MCM3: variants seen among roughly 807,000 people sequenced by gnomAD.
MCM3 encodes minichromosome maintenance complex component 3, also known as DNA replication licensing factor MCM3.
In MCM3, 59 loss-of-function variants were observed where a neutral mutation model predicts 91.3. The observed-to-expected ratio is 0.65, with a 90% CI of 0.52 to 0.80. The LOEUF (loss-of-function observed/expected upper bound fraction) is 0.80, where lower values mean the gene tolerates loss of function less well. MCM3 is among the 30% of genes least tolerant of loss of function. The probability of loss-of-function intolerance (pLI) is 0.00; values close to 1 mark genes in which losing one functional copy is unlikely to be tolerated. For missense variants in MCM3, 919 were observed against 1,035.4 expected, an observed-to-expected ratio of 0.89 and a Z score of 1.54; for synonymous variants, 383 against 379.6, an observed-to-expected ratio of 1.01 and a Z score of -0.10.
At chr6:52,269,624 A>G (rs1764926946) in intron 12 of MCM3, among the ~76,000 whole-genome samples, 1 of 152,200 alleles carries the variant, frequency 6.6e-6, no homozygotes, top group Admixed American at 6.5e-5. Context: ...CATGAAGGAA[A>G]TGGGACTCAA....
intron 4 of MCM3, among the ~76,000 whole-genome samples, chr6:52,280,748 A>G (rs1313733937): frequency 6.6e-6 from 1 of 152,258 alleles, no homozygotes; most frequent in Non-Finnish European, 1.5e-5. Flanking sequence ...AGAAGACAAC[A>G]GAATGACTTA....
At chr6:52,277,786 G>T in intron 6 of MCM3, 98 bp from the exon 7 acceptor site, 2 of 1,091,008 alleles carry the variant, frequency 1.8e-6, no homozygotes, top group South Asian at 1.5e-5. Flanking sequence ...TACTTGAAGA[G>T]GGCCAGGCGC....
intron 4 of MCM3, among the ~76,000 whole-genome samples, chr6:52,281,155 A>G (rs1398171471): frequency 2.6e-5 from 4 of 152,248 alleles, no homozygotes; most frequent in Admixed American, 1.3e-4. Flanking sequence ...ATTGTCCTCA[A>G]TCCAGATCAA....
At chr6:52,272,122 G>C (rs1328709457) in intron 12 of MCM3, among the ~76,000 whole-genome samples, 179 bp downstream of exon 12, 5 of 152,126 alleles carry the variant, frequency 3.3e-5, no homozygotes, top group Non-Finnish European at 7.4e-5. Flanking sequence ...TGTTATCTCT[G>C]GGGTCCTTAT....
At chr6:52,284,454 A>T (rs1042879355) in intron 1 of MCM3, 143 bp downstream of exon 1, 1 of 669,184 alleles carries the variant, frequency 1.5e-6, no homozygotes, top group Non-Finnish European at 2.4e-6. Context: ...TTGAGAAGTT[A>T]CAAGATTGGG....
rs1193998299 is a variant in MCM3, at chr6:52,276,149, CTTACTT to C, written c.1374+113_1374+118del. On this transcript the variant is annotated intron_variant, in intron 9 of 16. Coordinates refer to ENST00000596288, the MANE Select transcript of MCM3 (RefSeq NM_002388.6). The stretch of plus-strand genomic sequence containing the variant: ...CAAAGGACAATAACAAGAAAATGGC[CTTACTT>C]TTAGTCTTTGGCCTATTATTCCCCT... 2.1e-5 allele frequency: 19 copies of C among 889,290 alleles called. 1 individual carries two copies. The highest frequency in any genetic ancestry group is 3.3e-5 in the Non-Finnish European group (19 of 582,664). The allele number at this position is 889,290 out of a possible 1,614,324, so 55.1% of individuals were successfully genotyped here. A position where few individuals can be genotyped will look rare whatever the true frequency, so the allele number is the denominator to read the frequency against.
intron 4 of MCM3, among the ~76,000 whole-genome samples, chr6:52,280,479 A>C (rs13210985): frequency 0.18 from 27,832 of 152,236 alleles, 3,392 homozygotes; most frequent in Middle Eastern, 0.31. Context: ...CACGTCATGC[A>C]CAAGGAAACC....
intron 13 of MCM3, 63 bp downstream of exon 13, chr6:52,269,023 G>A (rs1764871815): frequency 6.6e-7 from 1 of 1,523,602 alleles, no homozygotes; most frequent in South Asian, 1.3e-5. Flanking sequence ...GGAAGGCTGG[G>A]AAGCCCATGC....
At chr6:52,278,390 C>T (rs1229424036) in intron 6 of MCM3, among the ~76,000 whole-genome samples, 1 of 152,078 alleles carries the variant, frequency 6.6e-6, no homozygotes, top group Non-Finnish European at 1.5e-5. Flanking sequence ...AAGATAAAAA[C>T]AAGTTGGAGA....
At chr6:52,265,021 C>T (rs185426487) in intron 16 of MCM3, among the ~76,000 whole-genome samples, 5 of 152,282 alleles carry the variant, frequency 3.3e-5, no homozygotes, top group Admixed American at 3.3e-4. Context: ...AAAATAGTAA[C>T]CCGGTCAGCG....
intron 1 of MCM3, 65 bp from the exon 2 acceptor site, chr6:52,283,471 T>G: frequency 9.1e-7 from 1 of 1,098,596 alleles, no homozygotes. Context: ...TAAACAGAAG[T>G]AGTTCTCATA....
rs61752700 is a variant in MCM3 at position 52,277,619 on chromosome 6, T to C, written c.949A>G (p.Ile317Val). 1.2e-4 allele frequency: 199 copies of C among 1,614,006 alleles called. 3 individuals carry two copies. In the South Asian group the frequency reaches 1.6e-3, roughly 13 times the overall value. The change falls in exon 7 of 17, where the codon ATC becomes GTC. Residue 317 changes from isoleucine to valine, a missense_variant. This residue lies in a region of MCM3 where 401 missense variants were observed against 402.7 expected (regional missense o/e 1.00). Transcript: ENST00000596288. ...ACCCCTCCCAAGAGCAAGCAGAGGA[T>C]TGCTTTCTTGACATAGTCATGCCCA... Reference protein sequence around the residue: ...IHGHDYVKKAILCLLLGGVER... With the variant: ...IHGHDYVKKAVLCLLLGGVER...
chr6:52,280,688 A>C (rs560931661), intron 4 of MCM3, among the ~76,000 whole-genome samples: 4 of 152,364 alleles, frequency 2.6e-5, no homozygotes, highest in Middle Eastern at 3.4e-3. Flanking sequence ...GTACTTCCCA[A>C]GTACTTCCTG....
intron 9 of MCM3, 136 bp downstream of exon 9, chr6:52,276,132 A>G (rs1324595090): frequency 2.7e-6 from 2 of 749,370 alleles, no homozygotes; most frequent in Non-Finnish European, 2.2e-6. Context: ...AACAAAGGAC[A>G]ATAACAAGAA....
At position 52,266,510 on chromosome 6, in the gene MCM3, A is replaced by C. The variant is rs551042615; in HGVS notation, c.2158+101T>G. On this transcript the variant is annotated intron_variant, in intron 15 of 16. Coordinates refer to ENST00000596288, the MANE Select transcript of MCM3 (RefSeq NM_002388.6). ...GGACATAGGCCCCAAGCAGGGAGCC[A>C]AACAAACAGGAGTCCACAAGAAAAT... 6.5e-4 allele frequency: 712 copies of C among 1,097,180 alleles called. 4 individuals carry two copies. In the South Asian group the frequency reaches 7.3e-3, roughly 11 times the overall value. 68.0% of individuals were successfully genotyped at this position (1,097,180 alleles called of 1,614,324 possible).
intron 12 of MCM3, among the ~76,000 whole-genome samples, chr6:52,271,728 A>ATT (rs1765149130): frequency 6.6e-6 from 1 of 152,226 alleles, no homozygotes; most frequent in Non-Finnish European, 1.5e-5. Context: ...ATTGCTTTGA[A>ATT]TAACCATCAT....
At chr6:52,282,614 T>C in intron 3 of MCM3, 39 bp downstream of exon 3, 1 of 1,591,056 alleles carries the variant, frequency 6.3e-7, no homozygotes, top group Non-Finnish European at 8.6e-7. Context: ...CATCTCCCTG[T>C]CTATTCATTT....
chr6:52,272,656 G>C (rs1418569429), intron 11 of MCM3, among the ~76,000 whole-genome samples: 3 of 152,128 alleles, frequency 2.0e-5, no homozygotes, highest in African/African-American at 7.2e-5. Context: ...AGGTAGTTTA[G>C]GCAGAAAGTT....
intron 4 of MCM3, among the ~76,000 whole-genome samples, chr6:52,280,514 G>C (rs1206920264): frequency 6.6e-6 from 1 of 152,202 alleles, no homozygotes; most frequent in African/African-American, 2.4e-5. Flanking sequence ...GATTAAGTAA[G>C]TTCCCCCAGG....
Sources: allele counts gnomAD v4.1 joint callset (sites outside exome capture counted in the v4.1 genomes callset), GRCh38; gene constraint gnomAD v4.1.1; regional missense constraint gnomAD v4.1.1; transcripts MANE v1.5; gene names NCBI Gene and HGNC (gene_info 2026-07-23, HGNC 2026-07-21).